The following PXDNL variants were observed in gnomAD, a reference collection of about 807,000 sequenced individuals.
The protein encoded by PXDNL is peroxidasin like.
A neutral mutation model predicts 150.8 loss-of-function variants in PXDNL; 145 were observed. That is an observed-to-expected ratio of 0.96 (90% CI 0.84 to 1.10). The LOEUF (loss-of-function observed/expected upper bound fraction) is 1.10, where lower values mean the gene tolerates loss of function less well. Ranked by LOEUF, PXDNL falls within the 50% of genes least tolerant of loss-of-function variation. PXDNL has a pLI of 0.00. For missense variants in PXDNL, 2,087 were observed against 1,873.9 expected (o/e 1.11, Z -2.10); for synonymous variants, 757 against 725.7 (o/e 1.04, Z -0.69).
intron 1 of PXDNL, among the ~76,000 whole-genome samples, chr8:51,695,950 C>T (rs34342438): frequency 0.76 from 115,300 of 152,058 alleles, 43,781 homozygotes; most frequent in East Asian, 0.82. Context: ...ACAGGGCTGA[C>T]ACAAAGAAGT....
intron 1 of PXDNL, among the ~76,000 whole-genome samples, chr8:51,787,266 C>A (rs1377432429): frequency 6.6e-6 from 1 of 152,192 alleles, no homozygotes; most frequent in African/African-American, 2.4e-5. Context: ...TTTTGACTTT[C>A]AAGTCTTATT....
chr8:51,674,761 A>G (rs1815573033), intron 1 of PXDNL, among the ~76,000 whole-genome samples: 1 of 152,150 alleles, frequency 6.6e-6, no homozygotes, highest in Non-Finnish European at 1.5e-5. Flanking sequence ...GCCTTCTTAC[A>G]CTTTGCCATG....
intron 1 of PXDNL, among the ~76,000 whole-genome samples, chr8:51,765,623 C>T (rs1325057805): frequency 1.3e-5 from 2 of 151,960 alleles, no homozygotes; most frequent in Non-Finnish European, 2.9e-5. Flanking sequence ...AATGTTTAAT[C>T]CATTTGTATT....
intron 9 of PXDNL, among the ~76,000 whole-genome samples, chr8:51,456,860 A>T (rs1396853997): frequency 6.6e-6 from 1 of 152,228 alleles, no homozygotes; most frequent in Non-Finnish European, 1.5e-5. Context: ...AACATTTACC[A>T]GCACACAACT....
At chr8:51,458,469 T>C (rs1194278618) in intron 8 of PXDNL, among the ~76,000 whole-genome samples, 1 of 152,248 alleles carries the variant, frequency 6.6e-6, no homozygotes, top group East Asian at 1.9e-4. Context: ...TGAGAAGGTA[T>C]ATAGATTTTC....
intron 12 of PXDNL, among the ~76,000 whole-genome samples, chr8:51,445,588 G>A (rs1809655383): frequency 6.6e-6 from 1 of 152,224 alleles, no homozygotes; most frequent in Non-Finnish European, 1.5e-5. Flanking sequence ...CCATAGGGAA[G>A]TGAAGTGGCT....
At chr8:51,653,740 G>A (rs143151463) in intron 2 of PXDNL, among the ~76,000 whole-genome samples, 1 of 152,304 alleles carries the variant, frequency 6.6e-6, no homozygotes, top group East Asian at 1.9e-4. Context: ...AAAGTTAGAA[G>A]GGCTAGCTTG....
intron 4 of PXDNL, among the ~76,000 whole-genome samples, chr8:51,517,731 T>C (rs1811575298): frequency 6.6e-6 from 1 of 152,240 alleles, no homozygotes; most frequent in Non-Finnish European, 1.5e-5. Context: ...AGCTTTCAAC[T>C]AGCTTCAGAG....
intron 1 of PXDNL, among the ~76,000 whole-genome samples, chr8:51,706,098 G>A (rs1291626735): frequency 2.0e-5 from 3 of 152,286 alleles, no homozygotes; most frequent in South Asian, 2.1e-4. Flanking sequence ...ATCACCTGAG[G>A]TCAGGAGTTC....
intron 7 of PXDNL, among the ~76,000 whole-genome samples, chr8:51,472,542 A>C (rs986674227): frequency 9.9e-5 from 15 of 152,176 alleles, no homozygotes; most frequent in African/African-American, 3.6e-4. Context: ...AAATTAAGTA[A>C]ATTTTCCTGT....
rs188540227 is a variant in PXDNL, at chr8:51,426,543, C to T, written c.1638+103G>A. 686 of 625,152 alleles carry T rather than the reference C, an allele frequency of 1.1e-3. 4 individuals are homozygous for T. The highest frequency in any genetic ancestry group is 8.3e-3 in the African/African-American group (448 of 53,694). 38.7% of individuals were successfully genotyped at this position (625,152 alleles called of 1,614,324 possible). On this transcript the variant is annotated intron_variant, in intron 13 of 22. Coordinates refer to ENST00000356297, the MANE Select transcript of PXDNL (RefSeq NM_144651.5). Reference sequence around the variant, plus strand: ...AAAGGTATTATTTGCTAGCAAAAGTCGCAACAGTAAAAAATCAATATGAGA... The same window carrying T: ...AAAGGTATTATTTGCTAGCAAAAGTTGCAACAGTAAAAAATCAATATGAGA...
intron 12 of PXDNL, among the ~76,000 whole-genome samples, chr8:51,432,778 A>T (rs926864674): frequency 6.6e-6 from 1 of 152,194 alleles, no homozygotes; most frequent in Admixed American, 6.5e-5. Context: ...TTTGAGGATA[A>T]TCCTATTATA....
chr8:51,679,602 T>G (rs1162500317), intron 1 of PXDNL, among the ~76,000 whole-genome samples: 2 of 152,186 alleles, frequency 1.3e-5, no homozygotes. Context: ...TGGATCTACA[T>G]GCATCCTTTT....
chr8:51,410,540 C>T (rs905049093), intron 16 of PXDNL, among the ~76,000 whole-genome samples: 2 of 152,098 alleles, frequency 1.3e-5, no homozygotes, highest in African/African-American at 4.8e-5. Context: ...CTGAGGCAAG[C>T]TCACAGATAG....
At chr8:51,480,042 C>A (rs1449266187) in intron 6 of PXDNL, among the ~76,000 whole-genome samples, 1 of 152,250 alleles carries the variant, frequency 6.6e-6, no homozygotes, top group Non-Finnish European at 1.5e-5. Context: ...GGGTGAAATG[C>A]CTCCTTGATT....
intron 2 of PXDNL, among the ~76,000 whole-genome samples, chr8:51,596,842 C>T (rs768050479): frequency 6.6e-6 from 1 of 151,846 alleles, no homozygotes; most frequent in Non-Finnish European, 1.5e-5. Context: ...ATATTTTCTC[C>T]CATTCTGTAG....
At chr8:51,740,390 C>T (rs1393911659) in intron 1 of PXDNL, among the ~76,000 whole-genome samples, 2 of 152,098 alleles carry the variant, frequency 1.3e-5, no homozygotes, top group Non-Finnish European at 2.9e-5. Context: ...GGTTTTAGAT[C>T]CTTAAGAAAG....
intron 1 of PXDNL, among the ~76,000 whole-genome samples, chr8:51,744,675 CAAA>C (rs34751949): frequency 2.6e-5 from 1 of 38,860 alleles, no homozygotes; most frequent in African/African-American, 1.2e-4. Context: ...GACTCCATCT[CAAA>C]AAAAAAAAAA....
intron 1 of PXDNL, among the ~76,000 whole-genome samples, chr8:51,675,132 C>T (rs773761655): frequency 6.6e-6 from 1 of 152,136 alleles, no homozygotes; most frequent in African/African-American, 2.4e-5. Flanking sequence ...TCTTATAAAC[C>T]CTAGTCATTT....
Sources: allele counts gnomAD v4.1 joint callset (sites outside exome capture counted in the v4.1 genomes callset), GRCh38; gene constraint gnomAD v4.1.1; transcripts MANE v1.5; gene names NCBI Gene and HGNC (gene_info 2026-07-23, HGNC 2026-07-21).